AK4: variants seen among roughly 807,000 people sequenced by gnomAD.
AK4 encodes adenylate kinase 4.
AK4 carries 13 observed loss-of-function variants against 24.6 expected under a neutral mutation model. The ratio of observed to expected loss-of-function variants is 0.53; its 90% CI spans 0.34 to 0.84. The LOEUF (loss-of-function observed/expected upper bound fraction) is 0.84. Among genes scored for constraint, AK4 ranks in the 40% least tolerant of loss-of-function variants. AK4 has a pLI of 0.01. For missense variants in AK4, 192 were observed against 288.2 expected (o/e 0.67, Z 2.42); for synonymous variants, 88 against 107.0 (o/e 0.82, Z 1.10).
intron 1 of AK4, among the ~76,000 whole-genome samples, chr1:65,172,063 G>GTGTATATATATATATATATA (rs1433940516): frequency 4.6e-5 from 3 of 65,746 alleles, no homozygotes; most frequent in Non-Finnish European, 1.2e-4. Context: ...TCCATCTCAA[G>GTGTATATATATATATATATA]TATATATATA....
intron 2 of AK4, among the ~76,000 whole-genome samples, chr1:65,212,365 CAG>C (rs1477664452): frequency 6.6e-6 from 1 of 151,638 alleles, no homozygotes; most frequent in African/African-American, 2.4e-5. Context: ...GGCGCGATCT[CAG>C]TGCACTGCAA....
chr1:65,183,000 A>C (rs763875882), intron 1 of AK4, among the ~76,000 whole-genome samples: 2 of 152,146 alleles, frequency 1.3e-5, no homozygotes, highest in African/African-American at 2.4e-5. Flanking sequence ...TTAGTACCCA[A>C]TCCCAGTGTT....
Position 65,197,811 on chromosome 1 carries a change from A to AT in AK4, c.265+6987dup, listed in dbSNP as rs146182191. 3.1e-3 allele frequency among the ~76,000 whole-genome samples: 479 copies of AT among 152,104 alleles called. 1 individual carries two copies. Among genetic ancestry groups the AT allele is most frequent in the African/African-American group, 0.01 (429 of 41,466 alleles). ...ACAACTCTGACCTTATCCTCTCCAC[A>AT]TTTTTCCTTCTGATTCAGACCTCTG... On this transcript the variant is annotated intron_variant, in intron 2 of 4. Coordinates refer to ENST00000327299, the MANE Select transcript of AK4 (RefSeq NM_013410.4).
chr1:65,199,180 T>TTTG (rs1433455333), intron 2 of AK4, among the ~76,000 whole-genome samples: 1 of 151,942 alleles, frequency 6.6e-6, no homozygotes, highest in Non-Finnish European at 1.5e-5. Context: ...GAAGGTAGAG[T>TTTG]TTGATCAAGG....
In AK4 at chr1:65,226,915, T is replaced by C. The variant is rs2101099685; in HGVS notation, c.*738T>C. Reference sequence around the variant, plus strand: ...CTAATAACTGAGAGCGATGGGGCTATATTGAATCTCTGTATGCACTGAGAA... The same window carrying C: ...CTAATAACTGAGAGCGATGGGGCTACATTGAATCTCTGTATGCACTGAGAA... On this transcript the variant is annotated 3_prime_UTR_variant, in exon 5 of 5. Coordinates refer to ENST00000327299, the MANE Select transcript of AK4 (RefSeq NM_013410.4). 1 of 150,094 alleles carries C rather than the reference T, an allele frequency of 6.7e-6. No individual in the cohort carries two copies. The highest frequency in any genetic ancestry group is 6.6e-5 in the Admixed American group (1 of 15,136). The allele number at this position is 150,094 out of a possible 1,614,324, so 9.3% of individuals were successfully genotyped here.
rs79370890 is a variant in AK4, at chr1:65,215,134, T to G, written c.266-3620T>G. On this transcript the variant is annotated intron_variant, in intron 2 of 4. Transcript: ENST00000327299. Reference sequence around the variant, plus strand: ...TGGGACAGGATCTGAGCATCCATCATCATTGATTTTTTTTCTTTTCTTTTC... The same window carrying G: ...TGGGACAGGATCTGAGCATCCATCAGCATTGATTTTTTTTCTTTTCTTTTC... 5.1e-3 allele frequency among the ~76,000 whole-genome samples: 765 copies of G among 149,116 alleles called. 8 individuals are homozygous for G. The highest frequency in any genetic ancestry group is 0.019 in the African/African-American group (720 of 38,784).
At chr1:65,216,018 G>A (rs1271484192) in intron 2 of AK4, among the ~76,000 whole-genome samples, 2 of 152,074 alleles carry the variant, frequency 1.3e-5, no homozygotes, top group African/African-American at 2.4e-5. Context: ...CTTAGAAGAG[G>A]GATCTCTAAA....
rs3051712 is a variant in AK4, at chr1:65,172,063, G to GTATATATATATATATATA, written c.146-18623_146-18606dup. Among the ~76,000 whole-genome samples the GTATATATATATATATATA allele has an allele frequency of 7.3e-3, 478 of 65,602 alleles. 26 individuals carry two copies. The highest frequency in any genetic ancestry group is 0.014 in the Non-Finnish European group (365 of 25,334). The allele number at this position is 65,602 out of a possible 152,430, so 43.0% of individuals were successfully genotyped here. A position where few individuals can be genotyped will look rare whatever the true frequency, so the allele number is the denominator to read the frequency against. ...GCAACAGAGAGAGACTCCATCTCAAGTATATATATATATATATATATATAT... is the reference window on the plus strand; with the variant it reads ...GCAACAGAGAGAGACTCCATCTCAAGTATATATATATATATATATATATATATATATATATATATATAT... On this transcript the variant is annotated intron_variant, in intron 1 of 4. Transcript: ENST00000327299.
chr1:65,166,118 T>G (rs1650320760), intron 1 of AK4: 1 of 152,188 alleles, frequency 6.6e-6, no homozygotes. Flanking sequence ...TTTGTAAACT[T>G]TGGGGGAAGT....
At chr1:65,203,864 CAATGTA>C (rs1309539045) in intron 2 of AK4, among the ~76,000 whole-genome samples, 8 of 151,882 alleles carry the variant, frequency 5.3e-5, no homozygotes, top group Non-Finnish European at 1.2e-4. Context: ...TAAAACAAAA[CAATGTA>C]AAACTCTTGA....
chr1:65,166,235 T>C (rs928030450), intron 1 of AK4, among the ~76,000 whole-genome samples: 1 of 152,096 alleles, frequency 6.6e-6, no homozygotes, highest in Non-Finnish European at 1.5e-5. Flanking sequence ...GGAGTCCTAA[T>C]GCTTTGATTT....
intron 2 of AK4, among the ~76,000 whole-genome samples, chr1:65,207,259 C>T (rs1651840387): frequency 1.3e-5 from 2 of 152,128 alleles, no homozygotes; most frequent in Admixed American, 1.3e-4. Flanking sequence ...CCCTGTCACC[C>T]ACGCTGGAGT....
At chr1:65,157,121 A>G (rs1650009923) in intron 1 of AK4, among the ~76,000 whole-genome samples, 1 of 152,170 alleles carries the variant, frequency 6.6e-6, no homozygotes, top group Admixed American at 6.5e-5. Context: ...TTATTGTCAT[A>G]TCTGGTTCTT....
At chr1:65,200,204 CACGGGCTCCGGTG>C (rs1651621101) in intron 2 of AK4, among the ~76,000 whole-genome samples, 1 of 152,126 alleles carries the variant, frequency 6.6e-6, no homozygotes, top group South Asian at 2.1e-4. Context: ...ACCTCTGCGT[CACGGGCTCCGGTG>C]ATTCTCCTGC....
chr1:65,181,994 C>T (rs1476358461), intron 1 of AK4, among the ~76,000 whole-genome samples: 2 of 152,144 alleles, frequency 1.3e-5, no homozygotes, highest in African/African-American at 4.8e-5. Flanking sequence ...TAGCTTGCTG[C>T]ACCCTGGAAC....
At chr1:65,197,256 T>C (rs1010817016) in intron 2 of AK4, among the ~76,000 whole-genome samples, 1 of 152,294 alleles carries the variant, frequency 6.6e-6, no homozygotes, top group South Asian at 2.1e-4. Flanking sequence ...TGCCTTGAAA[T>C]AGTAATCTAG....
chr1:65,196,389 C>A (rs545152419), intron 2 of AK4, among the ~76,000 whole-genome samples: 26 of 152,172 alleles, frequency 1.7e-4, no homozygotes, highest in African/African-American at 6.3e-4. Context: ...GTTTGGTCAG[C>A]TTTGCTCTTG....
intron 1 of AK4, among the ~76,000 whole-genome samples, chr1:65,166,310 CTGTGTGTGTGTGTGTGTG>C (rs34870729): frequency 2.0e-4 from 28 of 143,116 alleles, no homozygotes; most frequent in Non-Finnish European, 3.7e-4. Flanking sequence ...GGGATTTAAG[CTGTGTGTGTGTGTGTGTG>C]TGTGTGTGTG....
intron 2 of AK4, 65 bp downstream of exon 2, chr1:65,190,894 T>G: frequency 6.6e-7 from 1 of 1,521,092 alleles, no homozygotes; most frequent in Non-Finnish European, 8.8e-7. Context: ...GCACACTCCC[T>G]TAACTTCTTA....
Sources: allele counts gnomAD v4.1 joint callset (sites outside exome capture counted in the v4.1 genomes callset), GRCh38; gene constraint gnomAD v4.1.1; transcripts MANE v1.5; gene names NCBI Gene and HGNC (gene_info 2026-07-23, HGNC 2026-07-21).